The following RORA variants were observed in gnomAD, a reference collection of about 807,000 sequenced individuals.
RORA encodes the protein nuclear receptor ROR-alpha.
In RORA, 7 loss-of-function variants were observed where a neutral mutation model predicts 69.5. That is an observed-to-expected ratio of 0.10 (90% CI 0.06 to 0.19). The LOEUF (loss-of-function observed/expected upper bound fraction) is 0.19. Ranked by LOEUF, RORA falls within the 10% of genes least tolerant of loss-of-function variation. The pLI, the probability that RORA is intolerant of heterozygous loss-of-function variation, is 1.00. For missense variants in RORA, 457 were observed against 663.0 expected, an observed-to-expected ratio of 0.69 and a Z score of 3.41; for synonymous variants, 261 against 240.8, an observed-to-expected ratio of 1.08 and a Z score of -0.78.
intron 1 of RORA, among the ~76,000 whole-genome samples, chr15:61,137,391 G>A (rs1482806054): frequency 6.6e-6 from 1 of 152,166 alleles, no homozygotes; most frequent in Non-Finnish European, 1.5e-5. Flanking sequence ...TGGCTCAACT[G>A]CCTTTTGTGT....
chr15:60,977,408 T>C (rs1893907264), intron 1 of RORA, among the ~76,000 whole-genome samples: 1 of 152,158 alleles, frequency 6.6e-6, no homozygotes, highest in African/African-American at 2.4e-5. Context: ...AGTATATAAT[T>C]ATACTTATTT....
At chr15:60,751,315 T>C (rs995785707) in intron 1 of RORA, among the ~76,000 whole-genome samples, 1 of 152,082 alleles carries the variant, frequency 6.6e-6, no homozygotes, top group Non-Finnish European at 1.5e-5. Context: ...TGAAGATCAG[T>C]GGTGGGAATA....
intron 1 of RORA, among the ~76,000 whole-genome samples, chr15:61,099,149 T>C (rs544567993): frequency 1.3e-5 from 2 of 152,352 alleles, no homozygotes; most frequent in East Asian, 1.9e-4. Flanking sequence ...TATGAAAGAA[T>C]CACTCTAAAA....
intron 1 of RORA, among the ~76,000 whole-genome samples, chr15:61,046,751 G>A (rs985483513): frequency 2.6e-5 from 4 of 152,166 alleles, no homozygotes; most frequent in Non-Finnish European, 5.9e-5. Flanking sequence ...ATGCCAACAG[G>A]CCTTCAACAG....
intron 1 of RORA, among the ~76,000 whole-genome samples, chr15:61,165,051 C>T (rs182496098): frequency 2.6e-5 from 4 of 152,328 alleles, no homozygotes; most frequent in East Asian, 3.9e-4. Flanking sequence ...GAGAAGAAGG[C>T]ATCCTGCTTC....
At chr15:61,017,008 A>T (rs1251078102) in intron 1 of RORA, among the ~76,000 whole-genome samples, 1 of 152,208 alleles carries the variant, frequency 6.6e-6, no homozygotes. Context: ...ATATCATAAA[A>T]GTCACACCAT....
intron 1 of RORA, among the ~76,000 whole-genome samples, chr15:61,037,158 G>T (rs538618322): frequency 1.3e-5 from 2 of 152,218 alleles, no homozygotes; most frequent in East Asian, 1.9e-4. Flanking sequence ...CTTCAAAATG[G>T]GATAATGGGA....
At chr15:60,786,001 G>A (rs1427901123) in intron 1 of RORA, among the ~76,000 whole-genome samples, 1 of 152,178 alleles carries the variant, frequency 6.6e-6, no homozygotes, top group Non-Finnish European at 1.5e-5. Flanking sequence ...GGCACTAAAT[G>A]AATGGAATGA....
intron 2 of RORA, among the ~76,000 whole-genome samples, chr15:60,662,967 G>C (rs554403812): frequency 6.6e-6 from 1 of 152,154 alleles, no homozygotes; most frequent in East Asian, 1.9e-4. Flanking sequence ...CTTGCCCAAG[G>C]TTATGCCCTT....
chr15:61,060,003 A>G (rs951362609), intron 1 of RORA, among the ~76,000 whole-genome samples: 253 of 126,828 alleles, frequency 2.0e-3, no homozygotes, highest in Middle Eastern at 3.9e-3. Flanking sequence ...AAGAAGAAGA[A>G]GAAGAAGAAG....
chr15:61,054,949 A>G (rs1200662769), intron 1 of RORA, among the ~76,000 whole-genome samples: 1 of 150,332 alleles, frequency 6.7e-6, no homozygotes, highest in African/African-American at 2.5e-5. Flanking sequence ...CAATCCTCCC[A>G]CCTCAGCTTC....
In RORA at chr15:60,511,082, G is replaced by T. The variant is rs548178467; in HGVS notation, c.820+144C>A. 18 of 852,218 alleles carry T rather than the reference G, an allele frequency of 2.1e-5. No individual in the cohort carries two copies. The Admixed American group carries it at 5.2e-4, about 25-fold the overall frequency. 52.8% of individuals were successfully genotyped at this position (852,218 alleles called of 1,614,324 possible). A position where few individuals can be genotyped will look rare whatever the true frequency, so the allele number is the denominator to read the frequency against. ...GAAACAGCAGAGGGTCAAAAGCAAGGGGGCAGGGCAGAAAATTAAGTGGCC... is the reference window on the plus strand; with the variant it reads ...GAAACAGCAGAGGGTCAAAAGCAAGTGGGCAGGGCAGAAAATTAAGTGGCC... On this transcript the variant is annotated intron_variant, in intron 5 of 10. Coordinates refer to ENST00000335670, the MANE Select transcript of RORA (RefSeq NM_134261.3). The surrounding 1 kb of genome is among the most constrained non-coding windows in gnomAD (Gnocchi z 6.4).
intron 2 of RORA, among the ~76,000 whole-genome samples, chr15:60,540,389 T>TA (rs2066824284): frequency 1.3e-5 from 2 of 152,140 alleles, no homozygotes; most frequent in African/African-American, 4.8e-5. Context: ...GAATTACACT[T>TA]ACTGCATTTT....
At chr15:60,988,725 C>A (rs932440626) in intron 1 of RORA, among the ~76,000 whole-genome samples, 2 of 152,132 alleles carry the variant, frequency 1.3e-5, no homozygotes, top group Non-Finnish European at 1.5e-5. Context: ...CCACCTGAAA[C>A]ATTCTCAATA....
intron 1 of RORA, among the ~76,000 whole-genome samples, chr15:60,689,601 T>A (rs1354080751): frequency 6.6e-6 from 1 of 152,226 alleles, no homozygotes; most frequent in African/African-American, 2.4e-5. Flanking sequence ...CATATCTTTA[T>A]AGATATAATT....
intron 1 of RORA, among the ~76,000 whole-genome samples, chr15:60,792,374 T>A (rs2072430189): frequency 6.6e-6 from 1 of 152,040 alleles, no homozygotes; most frequent in South Asian, 2.1e-4. Flanking sequence ...AGAGAGAGAA[T>A]GAAGCAGAAA....
chr15:60,746,233 T>C (rs1201443237), intron 1 of RORA, among the ~76,000 whole-genome samples: 1 of 152,116 alleles, frequency 6.6e-6, no homozygotes, highest in East Asian at 1.9e-4. Context: ...CCAAAAGGTG[T>C]TAAGTTAAAA....
intron 1 of RORA, among the ~76,000 whole-genome samples, chr15:60,835,075 G>A (rs1349317902): frequency 1.3e-5 from 2 of 152,170 alleles, no homozygotes; most frequent in Non-Finnish European, 2.9e-5. Flanking sequence ...AAGCTCAAGT[G>A]TCTACAAGAC....
intron 1 of RORA, among the ~76,000 whole-genome samples, chr15:61,194,853 C>T (rs2079832861): frequency 6.6e-6 from 1 of 152,044 alleles, no homozygotes; most frequent in Non-Finnish European, 1.5e-5. Flanking sequence ...AGTTAATTAA[C>T]CTTTCTAAGC....
Sources: allele counts gnomAD v4.1 joint callset (sites outside exome capture counted in the v4.1 genomes callset), GRCh38; gene constraint gnomAD v4.1.1; non-coding constraint Gnocchi (gnomAD v3.1); transcripts MANE v1.5; gene names NCBI Gene and HGNC (gene_info 2026-07-23, HGNC 2026-07-21).